Variants in DDO observed in about 807,000 individuals in gnomAD.
DDO encodes D-aspartate oxidase.
Under a neutral mutation model 16.8 loss-of-function variants are expected in DDO, and 16 were observed. The observed-to-expected ratio is 0.95, with a 90% CI of 0.65 to 1.45. DDO has a LOEUF of 1.45. Among genes scored for constraint, DDO ranks in the 40% most tolerant of loss-of-function variants. The pLI, the probability that DDO is intolerant of heterozygous loss-of-function variation, is 0.00. For synonymous variants in DDO, 180 were observed against 167.2 expected (o/e 1.08, Z -0.59); for missense variants, 429 against 420.3 (o/e 1.02, Z -0.18).
At chr6:110,391,600 G>T (rs1010592767), downstream of DDO, among the ~76,000 whole-genome samples, 8 of 152,028 alleles carry the variant, frequency 5.3e-5, no homozygotes, top group Non-Finnish European at 1.2e-4. Context: ...CTCCCAAAGT[G>T]CTGGGATTGC....
chr6:110,393,418 C>A, intron 4 of DDO, 76 bp from the exon 5 acceptor site: 4 of 1,488,146 alleles, frequency 2.7e-6, no homozygotes, highest in Non-Finnish European at 3.6e-6. Context: ...AGAAAAGGAA[C>A]CCAGGAACAA....
At chr6:110,397,614 CA>C (rs1272694938) in intron 4 of DDO, among the ~76,000 whole-genome samples, 1 of 152,170 alleles carries the variant, frequency 6.6e-6, no homozygotes, top group East Asian at 1.9e-4. Context: ...GATGATTATG[CA>C]AGAATTCAAT....
At chr6:110,395,842 G>C (rs1773271608) in intron 4 of DDO, among the ~76,000 whole-genome samples, 1 of 152,150 alleles carries the variant, frequency 6.6e-6, no homozygotes, top group Admixed American at 6.5e-5. Context: ...AAGATCAGCA[G>C]AAAACTGGCC....
intron 3 of DDO, among the ~76,000 whole-genome samples, chr6:110,407,840 TA>T (rs1382032922): frequency 2.0e-5 from 3 of 152,198 alleles, no homozygotes; most frequent in African/African-American, 7.2e-5. Context: ...GTTTCAGAAA[TA>T]TTTTTTTCCA....
chr6:110,392,800 G>T lies in DDO; in HGVS notation c.1001C>A (p.Thr334Asn). 1.3e-6 allele frequency: 2 copies of T among 1,576,746 alleles called. No homozygotes were observed. Among genetic ancestry groups the T allele is most frequent in the Non-Finnish European group, 8.6e-7 (1 of 1,160,496 alleles). ...LVSECVHALR[T>N]PIPKSNL The stretch of plus-strand genomic sequence containing the variant: ...CTACAGGTTTGACTTGGGAATGGGG[G>T]TCCTGAGGGCATGGACACACTCGCT... The change falls in exon 5 of 5, where the codon ACC (threonine) becomes AAC (asparagine). Residue 334 changes from threonine to asparagine, a missense_variant. By Grantham distance (65) the Thr-to-Asn change is moderately conservative. Transcript: ENST00000368924.
At position 110,392,776 on chromosome 6, in the gene DDO, T is replaced by C. The variant is rs1211718888; in HGVS notation, c.1025A>G (p.Ter342TrpextTer3). The C allele has an allele frequency of 1.7e-5, 27 of 1,544,766 alleles. No individual in the cohort carries two copies. Among genetic ancestry groups the C allele is most frequent in the Middle Eastern group, 1.7e-4 (1 of 5,754 alleles). The change falls in exon 5 of 5, where the codon TAG becomes TGG. Residue 342 changes from the stop codon to tryptophan (W), a stop_lost. Transcript: ENST00000368924. The part of the protein sequence containing the change: ...LRTPIPKSNL[*>W] ...CTCTTTGCTGTCATTTTATGTCATC[T>C]ACAGGTTTGACTTGGGAATGGGGGT... is the stretch of plus-strand genomic sequence containing the variant.
chr6:110,388,372 G>A (rs1195680154), downstream of DDO, among the ~76,000 whole-genome samples: 1 of 152,130 alleles, frequency 6.6e-6, no homozygotes, highest in African/African-American at 2.4e-5. Flanking sequence ...CGAAAGTCCT[G>A]AAACAGGTTT....
downstream of DDO, among the ~76,000 whole-genome samples, chr6:110,388,999 T>C (rs2207359): frequency 8.1e-3 from 1,231 of 152,314 alleles, 19 homozygotes; most frequent in African/African-American, 0.029. Context: ...TAAGGGTGCC[T>C]AGCTAGCTGG....
intron 2 of DDO, among the ~76,000 whole-genome samples, chr6:110,412,736 A>C (rs1347959384): frequency 6.6e-6 from 1 of 152,248 alleles, no homozygotes; most frequent in Non-Finnish European, 1.5e-5. Context: ...CTGATGCTCA[A>C]TCCACATGTA....
Position 110,392,508 on chromosome 6 carries a change from T to A in DDO, c.*267A>T. The A allele has an allele frequency of 8.7e-7, 1 of 1,145,362 alleles. No homozygotes were observed. The highest frequency in any genetic ancestry group is 1.1e-6 in the Non-Finnish European group (1 of 934,008). 70.9% of individuals were successfully genotyped at this position (1,145,362 alleles called of 1,614,324 possible). A position where few individuals can be genotyped will look rare whatever the true frequency, so the allele number is the denominator to read the frequency against. Reference sequence around the variant, plus strand: ...TGCATCATTTCTTTTGTTGTTGGTGTTTTTTTTAGAGGTGGGAACTGGCAC... The same window carrying A: ...TGCATCATTTCTTTTGTTGTTGGTGATTTTTTTAGAGGTGGGAACTGGCAC... On this transcript the variant is annotated 3_prime_UTR_variant, in exon 5 of 5. Coordinates refer to ENST00000368924, the MANE Select transcript of DDO (RefSeq NM_001372108.2).
intron 1 of DDO, among the ~76,000 whole-genome samples, chr6:110,414,366 C>T (rs997955831): frequency 1.3e-5 from 2 of 152,252 alleles, no homozygotes; most frequent in African/African-American, 4.8e-5. Flanking sequence ...GTCTCCTAGC[C>T]TCCACTCCCT....
intron 4 of DDO, among the ~76,000 whole-genome samples, chr6:110,401,133 C>G (rs1773473540): frequency 6.6e-6 from 1 of 152,118 alleles, no homozygotes; most frequent in South Asian, 2.1e-4. Context: ...GCTCCTGGGC[C>G]CCTTTGCTGC....
At chr6:110,390,587 T>G (rs2114801239), downstream of DDO, among the ~76,000 whole-genome samples, 1 of 151,982 alleles carries the variant, frequency 6.6e-6, no homozygotes, top group African/African-American at 2.4e-5. Flanking sequence ...TGAACTAGAG[T>G]AACAAATAGG....
intron 4 of DDO, among the ~76,000 whole-genome samples, chr6:110,395,910 A>G (rs756155123): frequency 8.5e-5 from 13 of 152,132 alleles, no homozygotes; most frequent in Non-Finnish European, 1.5e-4. Flanking sequence ...GTGCATGCCT[A>G]TAATTCCAGC....
At chr6:110,401,827 G>A (rs756666677) in intron 4 of DDO, among the ~76,000 whole-genome samples, 6 of 152,148 alleles carry the variant, frequency 3.9e-5, no homozygotes, top group Admixed American at 6.5e-5. Context: ...ATAGTTTCAG[G>A]TATATCACAA....
At chr6:110,402,684 A>C (rs1049631393) in intron 4 of DDO, among the ~76,000 whole-genome samples, 11 of 152,186 alleles carry the variant, frequency 7.2e-5, no homozygotes, top group South Asian at 2.1e-4. Context: ...CTGAAAGAAA[A>C]TATGTATAAG....
chr6:110,406,065 G>A (rs1166198657), intron 3 of DDO, among the ~76,000 whole-genome samples: 1 of 152,104 alleles, frequency 6.6e-6, no homozygotes, highest in Non-Finnish European at 1.5e-5. Context: ...AGGGTTCTGT[G>A]CTGGCCCACT....
At chr6:110,400,362 T>C (rs717600) in intron 4 of DDO, among the ~76,000 whole-genome samples, 85,226 of 120,554 alleles carry the variant, frequency 0.71, 26,926 homozygotes, top group South Asian at 0.76. Context: ...GACTGGCGCC[T>C]CATCACGGGC....
chr6:110,399,678 G>A (rs899207077), intron 4 of DDO, among the ~76,000 whole-genome samples: 8 of 152,240 alleles, frequency 5.3e-5, no homozygotes, highest in Middle Eastern at 3.2e-3. Context: ...CGCAGGCTCC[G>A]GGCTGCAGGG....
Sources: allele counts gnomAD v4.1 joint callset (sites outside exome capture counted in the v4.1 genomes callset), GRCh38; gene constraint gnomAD v4.1.1; transcripts MANE v1.5; gene names NCBI Gene and HGNC (gene_info 2026-07-23, HGNC 2026-07-21).